The following JAZF1 variants were observed in gnomAD, a reference collection of about 807,000 sequenced individuals.
The protein encoded by JAZF1 is JAZF zinc finger 1.
JAZF1 carries 8 observed loss-of-function variants against 26.4 expected under a neutral mutation model. That is an observed-to-expected ratio of 0.30 (90% confidence interval 0.18 to 0.55). The LOEUF (loss-of-function observed/expected upper bound fraction) is 0.55. Ranked by LOEUF, JAZF1 falls within the 20% of genes least tolerant of loss-of-function variation. JAZF1 has a pLI of 0.94. For synonymous variants in JAZF1, 126 were observed against 122.3 expected (o/e 1.03, Z -0.20); for missense variants, 199 against 322.0 (o/e 0.62, Z 2.92).
chr7:28,065,834 C>G (rs1175682346), intron 1 of JAZF1, among the ~76,000 whole-genome samples: 2 of 152,036 alleles, frequency 1.3e-5, no homozygotes, highest in Non-Finnish European at 2.9e-5. Flanking sequence ...TGTGTGTTAG[C>G]GATTACAGCC....
chr7:27,992,778 T>G (rs1785929776), intron 1 of JAZF1, among the ~76,000 whole-genome samples: 1 of 152,262 alleles, frequency 6.6e-6, no homozygotes, highest in African/African-American at 2.4e-5. Context: ...TTAATTTTCT[T>G]AGAAAAAGGT....
intron 2 of JAZF1, among the ~76,000 whole-genome samples, chr7:27,980,234 C>T (rs771379547): frequency 6.6e-6 from 1 of 152,130 alleles, no homozygotes; most frequent in Non-Finnish European, 1.5e-5. Context: ...TTGCCTTTTT[C>T]ATTCTCATTT....
intron 3 of JAZF1, among the ~76,000 whole-genome samples, chr7:27,844,989 T>A (rs552711108): frequency 6.6e-6 from 1 of 152,292 alleles, no homozygotes; most frequent in Admixed American, 6.5e-5. Context: ...AAAGGAGAGG[T>A]GCCGGGTGCC....
At chr7:28,068,362 T>C (rs1203782163) in intron 1 of JAZF1, among the ~76,000 whole-genome samples, 1 of 151,904 alleles carries the variant, frequency 6.6e-6, no homozygotes, top group Non-Finnish European at 1.5e-5. Flanking sequence ...GGTCAGTAAA[T>C]ACCTAGAAGC....
At chr7:27,913,767 G>A (rs1158012325) in intron 2 of JAZF1, among the ~76,000 whole-genome samples, 1 of 152,146 alleles carries the variant, frequency 6.6e-6, no homozygotes, top group Non-Finnish European at 1.5e-5. Flanking sequence ...TATAATTGAA[G>A]TCTAATTTCT....
At chr7:28,058,910 T>C (rs1461238359) in intron 1 of JAZF1, among the ~76,000 whole-genome samples, 2 of 152,222 alleles carry the variant, frequency 1.3e-5, no homozygotes, top group African/African-American at 2.4e-5. Flanking sequence ...CTTCTTTATA[T>C]GTCTTTCACA....
intron 4 of JAZF1, among the ~76,000 whole-genome samples, chr7:27,838,009 T>TC (rs1782850293): frequency 1.4e-5 from 1 of 72,180 alleles, no homozygotes; most frequent in African/African-American, 4.5e-5. Flanking sequence ...TTTGTCTGCC[T>TC]TTTTTTTTTT....
chr7:28,043,602 T>C (rs1783442627), intron 1 of JAZF1, among the ~76,000 whole-genome samples: 1 of 152,152 alleles, frequency 6.6e-6, no homozygotes, highest in Non-Finnish European at 1.5e-5. Context: ...AAGTTGAACG[T>C]AGAATTACCA....
At chr7:27,911,372 T>C (rs1000225148) in intron 2 of JAZF1, among the ~76,000 whole-genome samples, 2 of 152,128 alleles carry the variant, frequency 1.3e-5, no homozygotes, top group African/African-American at 2.4e-5. Flanking sequence ...TCAGTCCTAT[T>C]TACAGATACA....
intron 1 of JAZF1, among the ~76,000 whole-genome samples, chr7:28,046,414 T>C (rs1159452399): frequency 1.3e-5 from 2 of 152,210 alleles, no homozygotes; most frequent in East Asian, 3.8e-4. Context: ...GCATTACATA[T>C]AATGAATACT....
chr7:27,953,507 T>C (rs998481285), intron 2 of JAZF1, among the ~76,000 whole-genome samples: 35 of 152,166 alleles, frequency 2.3e-4, no homozygotes, highest in African/African-American at 8.2e-4. Context: ...CAAGCTCAGC[T>C]TTGAGAGGAT....
chr7:27,839,215 G>A (rs1782877111), intron 4 of JAZF1, among the ~76,000 whole-genome samples: 1 of 152,112 alleles, frequency 6.6e-6, no homozygotes. Flanking sequence ...TCATTACTTG[G>A]CTCCCGCTTT....
chr7:27,858,357 T>C (rs934762357), intron 3 of JAZF1, among the ~76,000 whole-genome samples: 2 of 152,206 alleles, frequency 1.3e-5, no homozygotes, highest in African/African-American at 2.4e-5. Context: ...CCATTGACTT[T>C]CTTCACATAA....
chr7:28,169,800 C>G (rs1783424419), intron 1 of JAZF1, among the ~76,000 whole-genome samples: 1 of 152,200 alleles, frequency 6.6e-6, no homozygotes, highest in Non-Finnish European at 1.5e-5. Context: ...TCTACAGATT[C>G]CCCTGCTTTT....
rs1005928769 is a variant in JAZF1 at position 28,175,037 on chromosome 7, A to G, written c.115+5426T>C. On this transcript the variant is annotated intron_variant, in intron 1 of 4. Transcript: ENST00000283928. ...TCCCCACAGGAAGTGTCCTCAATGG[A>G]ATGCACCCACAGGCCCAAGGCACAG... Among the ~76,000 whole-genome samples, 24 of 66,956 alleles carry G rather than the reference A, an allele frequency of 3.6e-4. 7 individuals are homozygous for G. The highest frequency in any genetic ancestry group is 9.9e-4 in the Non-Finnish European group (17 of 17,212). 43.9% of individuals were successfully genotyped at this position (66,956 alleles called of 152,430 possible). A position where few individuals can be genotyped will look rare whatever the true frequency, so the allele number is the denominator to read the frequency against.
chr7:28,063,105 TAA>T (rs1783826300), intron 1 of JAZF1, among the ~76,000 whole-genome samples: 1 of 152,204 alleles, frequency 6.6e-6, no homozygotes, highest in African/African-American at 2.4e-5. Flanking sequence ...CCCAAGGATT[TAA>T]AGTCAAATTA....
At chr7:27,845,557 C>T (rs902157877) in intron 3 of JAZF1, among the ~76,000 whole-genome samples, 8 of 151,690 alleles carry the variant, frequency 5.3e-5, no homozygotes, top group Admixed American at 2.0e-4. Flanking sequence ...ATTAGCTGAA[C>T]GTGGAGGCAC....
chr7:27,842,936 G>A (rs1009482554), intron 3 of JAZF1: 1 of 152,250 alleles, frequency 6.6e-6, no homozygotes, highest in African/African-American at 2.4e-5. Context: ...GATTAATGAA[G>A]CCCAACAGAA....
chr7:27,867,152 GGT>G (rs1323529732), intron 3 of JAZF1, among the ~76,000 whole-genome samples: 5 of 152,268 alleles, frequency 3.3e-5, no homozygotes, highest in African/African-American at 1.2e-4. Context: ...CTACAGACAG[GGT>G]GGATATTTTT....
Sources: gnomAD v4.1 joint callset for allele counts (sites outside exome capture counted in the v4.1 genomes callset) on GRCh38, gnomAD v4.1.1 for gene constraint, MANE v1.5 for transcripts, NCBI Gene and HGNC (gene_info 2026-07-23, HGNC 2026-07-21) for gene names.